The following MALRD1 variants were observed in gnomAD, a reference collection of about 807,000 sequenced individuals.
The protein encoded by MALRD1 is MAM and LDL-receptor class A domain-containing protein 1.
MALRD1 carries 247 observed loss-of-function variants against 242.1 expected under a neutral mutation model. The observed-to-expected ratio is 1.02, with a 90% CI of 0.92 to 1.13. The LOEUF (loss-of-function observed/expected upper bound fraction) is 1.13, where lower values mean the gene tolerates loss of function less well. Among genes scored for constraint, MALRD1 ranks in the 50% most tolerant of loss-of-function variants. MALRD1 has a pLI of 0.00. For missense variants in MALRD1, 2,989 were observed against 2,533.1 expected (o/e 1.18, Z -3.86); for synonymous variants, 995 against 866.6 (o/e 1.15, Z -2.60).
At chr10:19,541,454 C>T (rs1237411332) in intron 32 of MALRD1, among the ~76,000 whole-genome samples, 1 of 152,152 alleles carries the variant, frequency 6.6e-6, no homozygotes, top group Non-Finnish European at 1.5e-5. Flanking sequence ...AGGGCAATAG[C>T]TCTTAATGTG....
intron 36 of MALRD1, among the ~76,000 whole-genome samples, chr10:19,663,581 T>A (rs1308238928): frequency 6.6e-6 from 1 of 152,048 alleles, no homozygotes; most frequent in Non-Finnish European, 1.5e-5. Context: ...GGTTCTAGTT[T>A]TAGTTCTTTG....
intron 36 of MALRD1, among the ~76,000 whole-genome samples, chr10:19,645,458 G>A (rs545126066): frequency 2.0e-5 from 3 of 152,290 alleles, no homozygotes; most frequent in Non-Finnish European, 2.9e-5. Context: ...ATTCACAATA[G>A]CAAAGACTTG....
intron 25 of MALRD1, among the ~76,000 whole-genome samples, chr10:19,348,837 A>G (rs984566225): frequency 6.6e-6 from 1 of 152,220 alleles, no homozygotes; most frequent in African/African-American, 2.4e-5. Flanking sequence ...AGAGATGGAT[A>G]CAGAAATAAA....
intron 21 of MALRD1, among the ~76,000 whole-genome samples, chr10:19,308,045 C>G (rs1228395817): frequency 6.6e-6 from 1 of 151,490 alleles, no homozygotes; most frequent in Non-Finnish European, 1.5e-5. Context: ...CAATTACATT[C>G]TTTTAGTTAT....
In MALRD1 at chr10:19,212,484, C is replaced by T. The variant is rs1837113954; in HGVS notation, c.2991+2804C>T. ...TTAATTCGGATAAAGCAAGTTAATTCATTAATGTATTGATTGATATTTAGA... is the reference window on the plus strand; with the variant it reads ...TTAATTCGGATAAAGCAAGTTAATTTATTAATGTATTGATTGATATTTAGA... On this transcript the variant is annotated intron_variant, in intron 18 of 39. Coordinates refer to ENST00000454679, the MANE Select transcript of MALRD1 (RefSeq NM_001142308.3). 2.0e-5 allele frequency among the ~76,000 whole-genome samples: 3 copies of T among 152,054 alleles called. No individual in the cohort carries two copies. The South Asian group carries it at 6.2e-4, about 32-fold the overall frequency.
intron 12 of MALRD1, among the ~76,000 whole-genome samples, chr10:19,164,350 TGG>T (rs1403218436): frequency 1.3e-5 from 2 of 152,184 alleles, no homozygotes; most frequent in East Asian, 3.9e-4. Context: ...GTGAAATACA[TGG>T]CTTGCCTATA....
chr10:19,306,504 T>C (rs564075849), intron 21 of MALRD1, among the ~76,000 whole-genome samples: 179 of 144,930 alleles, frequency 1.2e-3, no homozygotes, highest in African/African-American at 3.7e-3. Context: ...GTATATGTAC[T>C]GTGTATAGTA....
chr10:19,169,615 G>A (rs987954870), intron 13 of MALRD1, among the ~76,000 whole-genome samples: 2 of 152,044 alleles, frequency 1.3e-5, no homozygotes, highest in Non-Finnish European at 2.9e-5. Flanking sequence ...CTAATATTAT[G>A]CTGGCTTTAA....
At chr10:19,232,833 C>A (rs1041460874) in intron 18 of MALRD1, among the ~76,000 whole-genome samples, 23 of 152,026 alleles carry the variant, frequency 1.5e-4, no homozygotes, top group African/African-American at 5.1e-4. Context: ...CTGCTTCTTG[C>A]TCTTTCACTG....
intron 28 of MALRD1, among the ~76,000 whole-genome samples, chr10:19,390,538 C>T (rs1846296753): frequency 6.6e-6 from 1 of 152,162 alleles, no homozygotes; most frequent in East Asian, 1.9e-4. Flanking sequence ...AACACCTTTA[C>T]TCTTTACTGA....
At chr10:19,300,147 G>A (rs748556633) in intron 21 of MALRD1, among the ~76,000 whole-genome samples, 2 of 151,844 alleles carry the variant, frequency 1.3e-5, no homozygotes, top group Non-Finnish European at 2.9e-5. Context: ...AGATACCTAG[G>A]GATGCAGCTC....
At chr10:19,290,679 A>G (rs1382751826) in intron 21 of MALRD1, among the ~76,000 whole-genome samples, 14 of 152,208 alleles carry the variant, frequency 9.2e-5, no homozygotes. Context: ...GTACCCATTC[A>G]TGCTCCAACA....
intron 21 of MALRD1, among the ~76,000 whole-genome samples, chr10:19,316,774 G>A (rs1399992069): frequency 6.6e-6 from 1 of 151,876 alleles, no homozygotes; most frequent in Non-Finnish European, 1.5e-5. Context: ...CAGAGTCTGA[G>A]AAGGGTAGTA....
At chr10:19,390,275 A>G (rs1432037464) in intron 28 of MALRD1, among the ~76,000 whole-genome samples, 2 of 152,174 alleles carry the variant, frequency 1.3e-5, no homozygotes, top group Non-Finnish European at 2.9e-5. Flanking sequence ...ATTTTTCCTC[A>G]CAGATGAGCA....
chr10:19,251,988 A>G (rs1018693770), intron 18 of MALRD1, among the ~76,000 whole-genome samples: 1 of 151,958 alleles, frequency 6.6e-6, no homozygotes, highest in African/African-American at 2.4e-5. Context: ...CCATGATTGT[A>G]AGTTTCCTGA....
At chr10:19,473,759 A>G (rs910395566) in intron 29 of MALRD1, among the ~76,000 whole-genome samples, 2 of 152,116 alleles carry the variant, frequency 1.3e-5, no homozygotes, top group African/African-American at 2.4e-5. Flanking sequence ...CCTTTTGACT[A>G]TTGTGAAAAA....
chr10:19,728,643 T>C (rs1163837520), intron 38 of MALRD1: 1 of 152,348 alleles, frequency 6.6e-6, no homozygotes, highest in African/African-American at 2.4e-5. Flanking sequence ...TTTCAGCCTC[T>C]TAATTTTTCT....
At chr10:19,653,219 CAG>C (rs1200517657) in intron 36 of MALRD1, among the ~76,000 whole-genome samples, 2 of 151,532 alleles carry the variant, frequency 1.3e-5, no homozygotes, top group East Asian at 1.9e-4. Flanking sequence ...TTTTTTGAGA[CAG>C]AGTTTCACTC....
intron 8 of MALRD1, among the ~76,000 whole-genome samples, chr10:19,133,619 T>C (rs2131405082): frequency 6.6e-6 from 1 of 152,332 alleles, no homozygotes; most frequent in Middle Eastern, 3.4e-3. Flanking sequence ...CAAATTTTTG[T>C]TCCATCCTAA....
Sources: allele counts gnomAD v4.1 joint callset (sites outside exome capture counted in the v4.1 genomes callset), GRCh38; gene constraint gnomAD v4.1.1; transcripts MANE v1.5; gene names NCBI Gene and HGNC (gene_info 2026-07-23, HGNC 2026-07-21).